The following SLC25A40 variants were observed in gnomAD, a reference collection of about 807,000 sequenced individuals.
The protein encoded by SLC25A40 is mitochondrial glutathione transporter SLC25A40.
In SLC25A40, 41 loss-of-function variants were observed where a neutral mutation model predicts 46.5. The observed-to-expected ratio is 0.88, with a 90% CI of 0.69 to 1.14. The LOEUF is 1.14. Among genes scored for constraint, SLC25A40 ranks in the 50% most tolerant of loss-of-function variants. SLC25A40 has a pLI of 0.00. For missense variants in SLC25A40, 386 were observed against 393.6 expected, an observed-to-expected ratio of 0.98 and a Z score of 0.16; for synonymous variants, 126 against 127.5, an observed-to-expected ratio of 0.99 and a Z score of 0.08.
intron 10 of SLC25A40, among the ~76,000 whole-genome samples, chr7:87,838,340 A>G (rs1172916832): frequency 6.6e-6 from 1 of 151,452 alleles, no homozygotes; most frequent in African/African-American, 2.4e-5. Flanking sequence ...ACTAGTTTCT[A>G]TTTTAACAGG....
intron 8 of SLC25A40, among the ~76,000 whole-genome samples, chr7:87,845,621 A>G (rs1040428276): frequency 1.3e-5 from 2 of 152,144 alleles, no homozygotes; most frequent in Non-Finnish European, 2.9e-5. Context: ...CCTGGTGCCC[A>G]AAAGGTTGGA....
chr7:87,871,487 C>T (rs73200351), intron 1 of SLC25A40, among the ~76,000 whole-genome samples: 498 of 152,290 alleles, frequency 3.3e-3, no homozygotes, highest in Admixed American at 5.5e-3. Context: ...CATCCAGATT[C>T]CTGACACACA....
At chr7:87,866,213 T>G (rs1838796169) in intron 1 of SLC25A40, among the ~76,000 whole-genome samples, 1 of 152,216 alleles carries the variant, frequency 6.6e-6, no homozygotes, top group South Asian at 2.1e-4. Flanking sequence ...TAGCGTTTCT[T>G]GTAAAATGGG....
chr7:87,847,778 A>G, intron 7 of SLC25A40, 75 bp downstream of exon 7: 2 of 1,433,082 alleles, frequency 1.4e-6, no homozygotes, highest in Non-Finnish European at 1.9e-6. Flanking sequence ...TATTATACAA[A>G]TTATCTGTGA....
rs550019466 is a variant in SLC25A40, at chr7:87,865,789, A to G, written c.-93-5149T>C. 3.9e-5 allele frequency among the ~76,000 whole-genome samples: 6 copies of G among 151,928 alleles called. No homozygotes were observed. In the South Asian group the frequency reaches 1.3e-3, roughly 32 times the overall value. Reference sequence around the variant, plus strand: ...TCCGTCTCGGGGGGAAAAAAAAAGAATATTCTTGGGGACTGTGCACAGTGG... The same window carrying G: ...TCCGTCTCGGGGGGAAAAAAAAAGAGTATTCTTGGGGACTGTGCACAGTGG... On this transcript the variant is annotated intron_variant, in intron 1 of 11. Coordinates refer to ENST00000341119, the MANE Select transcript of SLC25A40 (RefSeq NM_018843.4).
At chr7:87,863,485 T>C (rs1584335963) in intron 1 of SLC25A40, among the ~76,000 whole-genome samples, 1 of 152,054 alleles carries the variant, frequency 6.6e-6, no homozygotes, top group South Asian at 2.1e-4. Context: ...CCAGCCACAA[T>C]GAACTGTGAG....
intron 1 of SLC25A40, among the ~76,000 whole-genome samples, chr7:87,863,155 G>C (rs1221379103): frequency 6.6e-6 from 1 of 152,012 alleles, no homozygotes; most frequent in Non-Finnish European, 1.5e-5. Flanking sequence ...TTTCCTTACT[G>C]GTTTGAGAAA....
At chr7:87,864,980 C>CTTTTTTTTTTT (rs927908236) in intron 1 of SLC25A40, among the ~76,000 whole-genome samples, 1 of 121,494 alleles carries the variant, frequency 8.2e-6, no homozygotes, top group Non-Finnish European at 1.8e-5. Context: ...CTTTTCTTTT[C>CTTTTTTTTTTT]TTTTTTTTTT....
chr7:87,853,339 A>G (rs1388837765), intron 5 of SLC25A40, among the ~76,000 whole-genome samples: 1 of 152,248 alleles, frequency 6.6e-6, no homozygotes, highest in Non-Finnish European at 1.5e-5. Flanking sequence ...AACACTAGTG[A>G]AGATGTGGAG....
At chr7:87,841,029 C>G (rs1228378275) in intron 10 of SLC25A40, among the ~76,000 whole-genome samples, 1 of 150,604 alleles carries the variant, frequency 6.6e-6, no homozygotes, top group African/African-American at 2.4e-5. Context: ...CTAGTAGAAG[C>G]AAATAGGAGT....
At chr7:87,859,039 A>G (rs557395125) in intron 2 of SLC25A40, among the ~76,000 whole-genome samples, 6 of 152,242 alleles carry the variant, frequency 3.9e-5, no homozygotes, top group Non-Finnish European at 8.8e-5. Context: ...ATAAAAACAC[A>G]TAACCTTAAT....
At chr7:87,866,877 C>T (rs1436479600) in intron 1 of SLC25A40, among the ~76,000 whole-genome samples, 1 of 152,262 alleles carries the variant, frequency 6.6e-6, no homozygotes, top group Non-Finnish European at 1.5e-5. Flanking sequence ...CTTCCTATCC[C>T]TCCCATCTTC....
At chr7:87,838,926 T>G (rs1023635108) in intron 10 of SLC25A40, among the ~76,000 whole-genome samples, 1 of 151,682 alleles carries the variant, frequency 6.6e-6, no homozygotes, top group Admixed American at 6.6e-5. Flanking sequence ...TGGATTATAA[T>G]GATTTATCCA....
chr7:87,850,064 G>T (rs1838485465), intron 5 of SLC25A40, 116 bp from the exon 6 acceptor site: 1 of 668,030 alleles, frequency 1.5e-6, no homozygotes, highest in African/African-American at 1.9e-5. Flanking sequence ...AAAAAAATAA[G>T]CTTTTTGGAT....
chr7:87,848,695 TA>T (rs889803945), intron 6 of SLC25A40, among the ~76,000 whole-genome samples: 1 of 152,200 alleles, frequency 6.6e-6, no homozygotes, highest in Non-Finnish European at 1.5e-5. Context: ...AAGAAATTAT[TA>T]AAAGGGAATT....
chr7:87,857,369 TG>T (rs1231995710), intron 3 of SLC25A40, among the ~76,000 whole-genome samples: 1 of 152,156 alleles, frequency 6.6e-6, no homozygotes, highest in East Asian at 1.9e-4. Context: ...GATGAAATAA[TG>T]AAGTTCAAAT....
At chr7:87,855,080 T>G (rs952596019) in intron 4 of SLC25A40, among the ~76,000 whole-genome samples, 1 of 149,718 alleles carries the variant, frequency 6.7e-6, no homozygotes, top group East Asian at 2.0e-4. Flanking sequence ...GAAGATCACC[T>G]GAGCCCAGGA....
At chr7:87,860,840 CAT>C (rs953703654) in intron 1 of SLC25A40, among the ~76,000 whole-genome samples, 200 bp from the exon 2 acceptor site, 1 of 148,844 alleles carries the variant, frequency 6.7e-6, no homozygotes, top group Non-Finnish European at 1.5e-5. Flanking sequence ...ACAAAAACCT[CAT>C]GTTATTCTAG....
intron 1 of SLC25A40, among the ~76,000 whole-genome samples, chr7:87,870,669 G>C (rs1463867550): frequency 6.6e-6 from 1 of 152,170 alleles, no homozygotes; most frequent in Non-Finnish European, 1.5e-5. Flanking sequence ...CCGAATGTCT[G>C]AGAGAAGCAG....
Sources: allele counts gnomAD v4.1 joint callset (sites outside exome capture counted in the v4.1 genomes callset), GRCh38; gene constraint gnomAD v4.1.1; transcripts MANE v1.5; gene names NCBI Gene and HGNC (gene_info 2026-07-23, HGNC 2026-07-21).